Variants in TM9SF4 observed in about 807,000 individuals in gnomAD.
The protein encoded by TM9SF4 is transmembrane 9 superfamily member 4, also known as dinucleotide oxidase disulfide thiol exchanger 3 superfamily member 4.
Under a neutral mutation model 90.4 loss-of-function variants are expected in TM9SF4, and 26 were observed. The observed-to-expected ratio is 0.29, with a 90% confidence interval of 0.21 to 0.40. The LOEUF (loss-of-function observed/expected upper bound fraction) is 0.40, where lower values mean the gene tolerates loss of function less well. TM9SF4 is among the 10% of genes least tolerant of loss of function. The probability of loss-of-function intolerance (pLI) is 1.00; values close to 1 mark genes in which losing one functional copy is unlikely to be tolerated. For synonymous variants in TM9SF4, 293 were observed against 315.4 expected, an observed-to-expected ratio of 0.93 and a Z score of 0.75; for missense variants, 549 against 834.8, an observed-to-expected ratio of 0.66 and a Z score of 4.22.
chr20:32,137,982 C>G (rs2046618013), intron 3 of TM9SF4, among the ~76,000 whole-genome samples: 1 of 152,214 alleles, frequency 6.6e-6, no homozygotes, highest in Admixed American at 6.5e-5. Flanking sequence ...TGTACAGCAG[C>G]TTCTGTGACT....
At position 32,158,459 on chromosome 20, in the gene TM9SF4, T is replaced by C; in HGVS notation, c.1514T>C (p.Met505Thr). Residue 505 changes from methionine to threonine, a missense_variant, in exon 15 of 18, where the codon ATG becomes ACG. Met to Thr is a moderately conservative substitution (Grantham distance 81). This residue lies in a region of TM9SF4 where 495 missense variants were observed against 711.7 expected (regional missense o/e 0.70). Coordinates refer to ENST00000398022, the MANE Select transcript of TM9SF4 (RefSeq NM_014742.4). The part of the protein sequence containing the change: ...WYMNRFVGIL[M>T]AGILPFGAMF... ...CTCTCGTTCTGTGGCAGCATCCTCA[T>C]GGCTGGGATCTTGCCCTTCGGCGCC... The C allele has an allele frequency of 6.2e-7, 1 of 1,614,228 alleles. No homozygotes were observed. The highest frequency in any genetic ancestry group is 8.5e-7 in the Non-Finnish European group (1 of 1,180,040).
intron 2 of TM9SF4, 42 bp downstream of exon 2, chr20:32,133,168 G>C: frequency 6.3e-7 from 1 of 1,582,722 alleles, no homozygotes; most frequent in Non-Finnish European, 8.7e-7. Context: ...GTGCTAGGCA[G>C]TGTGTCTGGA....
At chr20:32,141,220 A>G (rs867489098) in intron 3 of TM9SF4, among the ~76,000 whole-genome samples, 312 of 124,186 alleles carry the variant, frequency 2.5e-3, no homozygotes, top group South Asian at 8.2e-3. Flanking sequence ...CCATCTCAAA[A>G]AAAAAAAAAA....
At chr20:32,118,601 GTATTTATTTATT>G (rs72123388) in intron 1 of TM9SF4, among the ~76,000 whole-genome samples, 20,505 of 146,108 alleles carry the variant, frequency 0.14, 1,511 homozygotes, top group East Asian at 0.19. Flanking sequence ...TTATTTTGTT[GTATTTATTTATT>G]TATTTATTTA....
At position 32,157,967 on chromosome 20, in the gene TM9SF4, G is replaced by A. The variant is rs780704601; in HGVS notation, c.1503G>A (p.Val501=). The change falls in exon 14 of 18, where the codon GTG becomes GTA. Residue 501 remains valine (V), a splice_region_variant and synonymous_variant. Transcript: ENST00000398022. The part of the protein sequence containing the change: ...PEQRWYMNRF[V]GILMAGILPF... Reference sequence around the variant, plus strand: ...AGCGGTGGTACATGAACCGATTTGTGGGGTGAGTCCTCCAGCAGAGGCAAG... The same window carrying A: ...AGCGGTGGTACATGAACCGATTTGTAGGGTGAGTCCTCCAGCAGAGGCAAG... The A allele has an allele frequency of 7.4e-6, 12 of 1,614,046 alleles. No homozygotes were observed. In the Admixed American group the frequency reaches 2.0e-4, roughly 27 times the overall value.
chr20:32,114,336 G>A (rs370083795), intron 1 of TM9SF4, among the ~76,000 whole-genome samples: 3 of 152,000 alleles, frequency 2.0e-5, no homozygotes, highest in African/African-American at 7.2e-5. Flanking sequence ...TTGTTTGTTT[G>A]TTATTATTAT....
chr20:32,117,358 C>G (rs1247659802), intron 1 of TM9SF4, among the ~76,000 whole-genome samples: 1 of 151,962 alleles, frequency 6.6e-6, no homozygotes, highest in Non-Finnish European at 1.5e-5. Context: ...TCAGATTGGC[C>G]AGATGTATTG....
intron 13 of TM9SF4, among the ~76,000 whole-genome samples, 189 bp from the exon 14 acceptor site, chr20:32,157,605 A>T (rs1006141300): frequency 4.6e-5 from 7 of 152,098 alleles, no homozygotes; most frequent in Non-Finnish European, 1.0e-4. Flanking sequence ...CTTCACTGGG[A>T]GTCCAGATCA....
At chr20:32,123,702 G>T (rs2046369757) in intron 1 of TM9SF4, among the ~76,000 whole-genome samples, 1 of 149,912 alleles carries the variant, frequency 6.7e-6, no homozygotes. Context: ...TTATTCTTAG[G>T]AAACTTTCCA....
intron 17 of TM9SF4, among the ~76,000 whole-genome samples, chr20:32,161,846 C>T (rs1247449808): frequency 1.3e-5 from 2 of 152,184 alleles, no homozygotes; most frequent in Non-Finnish European, 2.9e-5. Context: ...TGCAGGTGTT[C>T]TCTTCTTCAC....
intron 8 of TM9SF4, 85 bp downstream of exon 8, chr20:32,145,508 G>C: frequency 7.9e-7 from 1 of 1,266,180 alleles, no homozygotes; most frequent in Non-Finnish European, 1.1e-6. Context: ...GGGACTTCCA[G>C]GGTGTTCTGA....
chr20:32,149,033 TA>T (rs1204483210), intron 9 of TM9SF4, among the ~76,000 whole-genome samples: 6 of 152,282 alleles, frequency 3.9e-5, no homozygotes, highest in Admixed American at 2.6e-4. Context: ...TGTTCACAAA[TA>T]CCAACTGAAA....
At chr20:32,161,040 A>T in intron 16 of TM9SF4, 2 of 233,386 alleles carry the variant, frequency 8.6e-6, no homozygotes, top group Non-Finnish European at 8.0e-6. Flanking sequence ...TTTGTTGTTG[A>T]TTTTTTTTTT....
chr20:32,144,754 T>A (rs965325562), intron 6 of TM9SF4, among the ~76,000 whole-genome samples: 3 of 151,890 alleles, frequency 2.0e-5, no homozygotes, highest in Non-Finnish European at 2.9e-5. Context: ...TACAAAAAAA[T>A]GTCTTAAAAT....
chr20:32,121,797 C>T (rs1367790450), intron 1 of TM9SF4, among the ~76,000 whole-genome samples: 1 of 151,520 alleles, frequency 6.6e-6, no homozygotes, highest in Non-Finnish European at 1.5e-5. Context: ...AGGCGCCCCT[C>T]ACCTCCTGGA....
At chr20:32,121,209 C>T (rs796928327) in intron 1 of TM9SF4, among the ~76,000 whole-genome samples, 13 of 138,276 alleles carry the variant, frequency 9.4e-5, no homozygotes, top group East Asian at 6.3e-4. Flanking sequence ...TTTTATTTTT[C>T]TTTTTTTTTT....
At chr20:32,158,568 A>C in intron 15 of TM9SF4, 54 bp downstream of exon 15, 1 of 1,583,792 alleles carries the variant, frequency 6.3e-7, no homozygotes, top group East Asian at 2.2e-5. Context: ...GGTCACTCCC[A>C]CTCCACTCGG....
At chr20:32,162,464 T>A (rs1487655425) in intron 17 of TM9SF4, among the ~76,000 whole-genome samples, 1 of 152,248 alleles carries the variant, frequency 6.6e-6, no homozygotes, top group East Asian at 1.9e-4. Flanking sequence ...TAAATTTTTA[T>A]TGGAACACAG....
intron 1 of TM9SF4, among the ~76,000 whole-genome samples, chr20:32,123,181 GGGAGGGGGA>G (rs2046355408): frequency 5.2e-5 from 1 of 19,058 alleles, no homozygotes; most frequent in Non-Finnish European, 1.3e-4. Flanking sequence ...GGGGGAGGGG[GGGAGGGGGA>G]GAGGGGGAGG....
Sources: gnomAD v4.1 joint callset for allele counts (sites outside exome capture counted in the v4.1 genomes callset) on GRCh38, gnomAD v4.1.1 for gene constraint, gnomAD v4.1.1 regional missense constraint, MANE v1.5 for transcripts, NCBI Gene and HGNC (gene_info 2026-07-23, HGNC 2026-07-21) for gene names.